Variants in MYRIP observed in about 807,000 individuals in gnomAD.
MYRIP encodes myosin VIIA and Rab interacting protein.
A neutral mutation model predicts 98.0 loss-of-function variants in MYRIP; 49 were observed. The observed-to-expected ratio is 0.50, with a 90% CI of 0.40 to 0.63. The LOEUF is 0.63. Among genes scored for constraint, MYRIP ranks in the 30% least tolerant of loss-of-function variants. MYRIP has a pLI of 0.00. For missense variants in MYRIP, 1,004 were observed against 1,058.2 expected (o/e 0.95, Z 0.71); for synonymous variants, 404 against 409.5 (o/e 0.99, Z 0.16).
At chr3:39,977,012 T>TTGTGCACA (rs1945770277) in intron 2 of MYRIP, among the ~76,000 whole-genome samples, 2 of 152,172 alleles carry the variant, frequency 1.3e-5, no homozygotes, top group Non-Finnish European at 2.9e-5. Context: ...AACCTGCACG[T>TTGTGCACA]TGTGCACATG....
At chr3:40,000,988 G>A (rs1007100339) in intron 2 of MYRIP, among the ~76,000 whole-genome samples, 3 of 152,202 alleles carry the variant, frequency 2.0e-5, no homozygotes, top group Non-Finnish European at 4.4e-5. Context: ...TTGTATTGGT[G>A]TTTCCCAAAG....
intron 12 of MYRIP, among the ~76,000 whole-genome samples, chr3:40,243,799 T>G (rs1489305495): frequency 2.0e-5 from 3 of 152,244 alleles, no homozygotes; most frequent in Non-Finnish European, 2.9e-5. Context: ...TTTCTTAAAT[T>G]TCTTTATCAG....
intron 3 of MYRIP, among the ~76,000 whole-genome samples, chr3:40,070,643 T>G (rs1044491637): frequency 1.3e-5 from 2 of 152,136 alleles, no homozygotes. Flanking sequence ...GTGAATTGTG[T>G]GTGCGAGGGA....
At chr3:39,979,670 A>C (rs1945842191) in intron 2 of MYRIP, among the ~76,000 whole-genome samples, 1 of 150,012 alleles carries the variant, frequency 6.7e-6, no homozygotes, top group Non-Finnish European at 1.5e-5. Context: ...AAAAAAAAAC[A>C]AAAAAAAACT....
At chr3:40,124,563 T>C (rs1358996958) in intron 3 of MYRIP, among the ~76,000 whole-genome samples, 2 of 152,186 alleles carry the variant, frequency 1.3e-5, no homozygotes, top group Non-Finnish European at 2.9e-5. Context: ...ACCCACACCT[T>C]TCTCCCAGCA....
chr3:39,880,262 G>A (rs1028274115), intron 1 of MYRIP, among the ~76,000 whole-genome samples: 1 of 152,016 alleles, frequency 6.6e-6, no homozygotes, highest in African/African-American at 2.4e-5. Context: ...TCTCTCTAGT[G>A]CCTTCAATTA....
intron 1 of MYRIP, among the ~76,000 whole-genome samples, chr3:39,893,156 A>T (rs1943527205): frequency 6.6e-6 from 1 of 152,174 alleles, no homozygotes; most frequent in Admixed American, 6.5e-5. Context: ...CTGAGGCTGA[A>T]CTATATGTTT....
intron 3 of MYRIP, among the ~76,000 whole-genome samples, chr3:40,069,953 T>G (rs1007996558): frequency 5.9e-5 from 9 of 152,292 alleles, no homozygotes; most frequent in Non-Finnish European, 2.9e-5. Context: ...AGCTTATGCT[T>G]AAAGTGGTTC....
At chr3:39,932,968 T>C (rs1944575210) in intron 2 of MYRIP, among the ~76,000 whole-genome samples, 1 of 152,140 alleles carries the variant, frequency 6.6e-6, no homozygotes, top group Non-Finnish European at 1.5e-5. Context: ...TAATAATGAG[T>C]AGGCCAGAAT....
intron 3 of MYRIP, among the ~76,000 whole-genome samples, chr3:40,103,345 A>T (rs1190848362): frequency 6.6e-6 from 1 of 152,228 alleles, no homozygotes; most frequent in Non-Finnish European, 1.5e-5. Context: ...ACATACTCTT[A>T]AAGACCCAGA....
intron 2 of MYRIP, among the ~76,000 whole-genome samples, chr3:39,901,900 G>A (rs566861485): frequency 1.3e-5 from 2 of 152,024 alleles, no homozygotes; most frequent in South Asian, 4.2e-4. Context: ...ACATAACATT[G>A]CCAAGAAGTA....
At chr3:40,113,836 C>T (rs538276251) in intron 3 of MYRIP, among the ~76,000 whole-genome samples, 39 of 152,154 alleles carry the variant, frequency 2.6e-4, no homozygotes, top group African/African-American at 8.4e-4. Context: ...ACTACAGGCG[C>T]CCACCACCAC....
intron 2 of MYRIP, chr3:39,970,152 C>A (rs879770396): frequency 5.3e-5 from 8 of 152,052 alleles, no homozygotes; most frequent in South Asian, 2.1e-4. Flanking sequence ...ATTGTTGTAG[C>A]CAATGAGGTT....
At chr3:40,038,530 A>G (rs1441637891) in intron 2 of MYRIP, among the ~76,000 whole-genome samples, 1 of 152,142 alleles carries the variant, frequency 6.6e-6, no homozygotes, top group Non-Finnish European at 1.5e-5. Context: ...GGGACAAATA[A>G]ACAATATTCT....
At chr3:40,067,045 G>A (rs1948139678) in intron 3 of MYRIP, among the ~76,000 whole-genome samples, 1 of 152,060 alleles carries the variant, frequency 6.6e-6, no homozygotes, top group Non-Finnish European at 1.5e-5. Context: ...ATAGAATCAA[G>A]AAAACAATGA....
intron 11 of MYRIP, among the ~76,000 whole-genome samples, chr3:40,224,502 G>C (rs932812226): frequency 2.0e-5 from 3 of 151,974 alleles, no homozygotes; most frequent in African/African-American, 7.3e-5. Flanking sequence ...GCCAGAGTAG[G>C]TTTGGTCAAA....
At chr3:40,240,079 T>C (rs1952957095) in intron 12 of MYRIP, among the ~76,000 whole-genome samples, 1 of 139,486 alleles carries the variant, frequency 7.2e-6, no homozygotes, top group African/African-American at 2.8e-5. Context: ...TGAATTGATT[T>C]TTGTATAAGG....
At chr3:40,171,838 A>G (rs767091464) in intron 8 of MYRIP, among the ~76,000 whole-genome samples, 2 of 152,260 alleles carry the variant, frequency 1.3e-5, no homozygotes, top group African/African-American at 4.8e-5. Context: ...TAATAAAGAC[A>G]TACCCAATAG....
intron 1 of MYRIP, among the ~76,000 whole-genome samples, chr3:39,876,881 G>A (rs1318569388): frequency 1.3e-5 from 2 of 152,114 alleles, no homozygotes; most frequent in Admixed American, 1.3e-4. Context: ...GAATCTGAAT[G>A]TTGGCCTGCC....
Sources: allele counts gnomAD v4.1 joint callset (sites outside exome capture counted in the v4.1 genomes callset), GRCh38; gene constraint gnomAD v4.1.1; transcripts MANE v1.5; gene names NCBI Gene and HGNC (gene_info 2026-07-23, HGNC 2026-07-21).